Variants in CAPN3 observed in about 807,000 individuals in gnomAD.
CAPN3 encodes the protein calpain-3.
In CAPN3, 88 loss-of-function variants were observed where a neutral mutation model predicts 114.0. The ratio of observed to expected loss-of-function variants is 0.77; its 90% CI spans 0.65 to 0.92. CAPN3 has a LOEUF of 0.92. Among genes scored for constraint, CAPN3 ranks in the 40% least tolerant of loss-of-function variants. The pLI is 0.00. For missense variants in CAPN3, 1,028 were observed against 1,069.0 expected, an observed-to-expected ratio of 0.96 and a Z score of 0.53; for synonymous variants, 386 against 382.9, an observed-to-expected ratio of 1.01 and a Z score of -0.09.
rs151090625 is a variant in CAPN3 at position 42,399,549 on chromosome 15, G to T, written c.1251G>T (p.Thr417=). The T allele has an allele frequency of 5.0e-6, 8 of 1,613,698 alleles. No homozygotes were observed. In the East Asian group the frequency reaches 1.6e-4, roughly 31 times the overall value. The change falls in exon 10 of 24, where the codon ACG becomes ACT. Residue 417 remains threonine, a synonymous_variant. Coordinates refer to ENST00000397163, the MANE Select transcript of CAPN3 (RefSeq NM_000070.3). ...CAAAGTTGGAGATCTGCAACCTCACGGCCGATGCTCTGCAGTCTGACAAGC... is the reference window on the plus strand; with the variant it reads ...CAAAGTTGGAGATCTGCAACCTCACTGCCGATGCTCTGCAGTCTGACAAGC... The part of the protein sequence containing the change: ...HFTKLEICNL[T]ADALQSDKLQ...
intron 8 of CAPN3, among the ~76,000 whole-genome samples, chr15:42,396,377 A>C (rs1357986354): frequency 6.6e-6 from 1 of 151,428 alleles, no homozygotes; most frequent in African/African-American, 2.4e-5. Context: ...TGAGTAGCTG[A>C]GACTATAGGT....
intron 6 of CAPN3, 128 bp from the exon 7 acceptor site, chr15:42,392,511 A>T: frequency 1.4e-6 from 1 of 734,056 alleles, no homozygotes. Context: ...CGTGAGGCAC[A>T]CTTTCAGGGA....
At chr15:42,407,156 A>G (rs2054047691) in intron 15 of CAPN3, among the ~76,000 whole-genome samples, 2 of 151,986 alleles carry the variant, frequency 1.3e-5, no homozygotes, top group South Asian at 2.1e-4. Context: ...CGTCCTTTTC[A>G]TATCCTTGTC....
At chr15:42,369,373 C>T (rs1338790149) in intron 1 of CAPN3, among the ~76,000 whole-genome samples, 2 of 151,956 alleles carry the variant, frequency 1.3e-5, no homozygotes, top group African/African-American at 4.8e-5. Context: ...TGGTGATGCT[C>T]CTGCTCTGTC....
intron 7 of CAPN3, among the ~76,000 whole-genome samples, chr15:42,392,929 T>C (rs977147977): frequency 6.6e-6 from 1 of 152,234 alleles, no homozygotes; most frequent in African/African-American, 2.4e-5. Context: ...ACAGTTTATC[T>C]TTGCTTTTCG....
In CAPN3 at chr15:42,384,544, G is replaced by C. The variant is rs587780291; in HGVS notation, c.371G>C (p.Gly124Ala). 4 of 1,613,128 alleles carry C rather than the reference G, an allele frequency of 2.5e-6. No individual in the cohort carries two copies. In the Admixed American group the frequency reaches 5.0e-5, roughly 20 times the overall value. ...DGANRTDICQ[G>A]ELGDCWFLAA... Reference sequence around the variant, plus strand: ...GCCAACAGAACTGACATCTGTCAAGGAGAGCTAGGTAGGAAAGTGCCTCAG... The same window carrying C: ...GCCAACAGAACTGACATCTGTCAAGCAGAGCTAGGTAGGAAAGTGCCTCAG... Residue 124 changes from glycine (G) to alanine (A), a missense_variant, in exon 2 of 24, where the codon GGA becomes GCA. By Grantham distance (60) the Gly-to-Ala change is moderately conservative (BLOSUM62 0). Transcript: ENST00000397163.
chr15:42,408,386 G>GTGTATCCCAAGC, intron 16 of CAPN3, 62 bp downstream of exon 16: 1 of 989,326 alleles, frequency 1.0e-6, no homozygotes, highest in Non-Finnish European at 1.6e-6. Context: ...CTATGCGCTT[G>GTGTATCCCAAGC]GGATACACAG....
chr15:42,395,072 G>A (rs796287477), intron 8 of CAPN3, among the ~76,000 whole-genome samples: 1 of 152,128 alleles, frequency 6.6e-6, no homozygotes, highest in Non-Finnish European at 1.5e-5. Context: ...CTCGGCTCCT[G>A]TACTTATATA....
intron 1 of CAPN3, among the ~76,000 whole-genome samples, chr15:42,370,285 A>G (rs1275780274): frequency 6.6e-6 from 1 of 152,116 alleles, no homozygotes; most frequent in Non-Finnish European, 1.5e-5. Context: ...ACTCCTGTGT[A>G]TCTTCTCAGC....
chr15:42,389,091 A>G lies in CAPN3; in HGVS notation c.796A>G (p.Ile266Val), dbSNP rs774013059. 2.5e-6 allele frequency: 4 copies of G among 1,614,024 alleles called. No homozygotes were observed. In the South Asian group the frequency reaches 3.3e-5, roughly 13 times the overall value. The change falls in exon 5 of 24, where the codon ATT (isoleucine) becomes GTT (valine). Residue 266 changes from isoleucine to valine, a missense_variant. By Grantham distance (29) the Ile-to-Val change is conservative. Transcript: ENST00000397163. ...GAGAGGCTCCCTCATGGGCTGCTCC[A>G]TTGATGTAAGTCTGGGGTGTGGGGC... ...IERGSLMGCSIDDGTNMTYGT... is the reference protein window; with the variant it reads ...IERGSLMGCSVDDGTNMTYGT...
chr15:42,359,645 T>C lies in CAPN3; in HGVS notation c.-161T>C, dbSNP rs2052586395. On this transcript the variant is annotated 5_prime_UTR_variant, in exon 1 of 24. Transcript: ENST00000397163. ...CTCGGTTTTTAAGATGGACATAACC[T>C]GTACGACCTTCTGATGGGCTTTCAA... 1 of 1,482,540 alleles carries C rather than the reference T, an allele frequency of 6.7e-7. No homozygotes were observed. Among genetic ancestry groups the C allele is most frequent in the Non-Finnish European group, 8.9e-7 (1 of 1,122,474 alleles). 91.8% of individuals were successfully genotyped at this position (1,482,540 alleles called of 1,614,324 possible).
chr15:42,367,819 A>AT (rs1202233486), intron 1 of CAPN3, among the ~76,000 whole-genome samples: 1 of 151,664 alleles, frequency 6.6e-6, no homozygotes. Flanking sequence ...AACCCTCCCT[A>AT]TTTTTTTCTC....
Position 42,402,147 on chromosome 15 carries a change from G to T in CAPN3, c.1536+12G>T. On this transcript the variant is annotated intron_variant, in intron 12 of 23. Transcript: ENST00000397163. ...AGGTTCCCAAAGAGGTATAGCAGCAGCAGCGGCCAGCAGTTGTGTGCAGCA... is the reference window on the plus strand; with the variant it reads ...AGGTTCCCAAAGAGGTATAGCAGCATCAGCGGCCAGCAGTTGTGTGCAGCA... The T allele has an allele frequency of 6.2e-7, 1 of 1,614,088 alleles. No homozygotes were observed.
Position 42,402,249 on chromosome 15 carries a change from G to T in CAPN3, c.1536+114G>T. 6.9e-6 allele frequency: 11 copies of T among 1,602,794 alleles called. No individual in the cohort carries two copies. In the South Asian group the frequency reaches 1.2e-4, roughly 18 times the overall value. Reference sequence around the variant, plus strand: ...GGGGTTTGTGGGCAGGACTGTGATAGGAGAGGGCCTTGCCTGTGTTATTTC... The same window carrying T: ...GGGGTTTGTGGGCAGGACTGTGATATGAGAGGGCCTTGCCTGTGTTATTTC... On this transcript the variant is annotated intron_variant, in intron 12 of 23. Transcript: ENST00000397163.
chr15:42,368,079 G>T (rs2052835227), intron 1 of CAPN3, among the ~76,000 whole-genome samples: 1 of 152,170 alleles, frequency 6.6e-6, no homozygotes, highest in Non-Finnish European at 1.5e-5. Context: ...GCCAATCCTT[G>T]TTATTTGCAG....
At chr15:42,409,883 G>GGGGGGGGGGCCCCCC in intron 18 of CAPN3, 39 bp downstream of exon 18, 1 of 559,614 alleles carries the variant, frequency 1.8e-6, no homozygotes, top group Non-Finnish European at 3.5e-6. Flanking sequence ...GGTGGGTGGG[G>GGGGGGGGGGCCCCCC]AGTCCCGTTG....
rs1174584465 is a variant in CAPN3 at position 42,405,928 on chromosome 15, A to G, written c.1785A>G (p.Lys595=). The G allele has an allele frequency of 6.2e-7, 1 of 1,612,242 alleles. No individual in the cohort carries two copies. Among genetic ancestry groups the G allele is most frequent in the Non-Finnish European group, 8.5e-7 (1 of 1,178,284 alleles). Residue 595 remains lysine (K), a splice_region_variant and synonymous_variant, in exon 15 of 24, where the codon AAA becomes AAG. Transcript: ENST00000397163. ...ENTISVDRPV[K]KKKTKPIIFV... is the part of the protein sequence containing the mutation. ...TACTGTTTCCTTTTCTTATGCAGAA[A>G]AAGAAAAAAACCAAGGTAGGTGTGT...
At chr15:42,370,262 A>G (rs1008540161) in intron 1 of CAPN3, among the ~76,000 whole-genome samples, 1 of 152,146 alleles carries the variant, frequency 6.6e-6, no homozygotes. Flanking sequence ...CACTGCCTCT[A>G]AAATTAATAC....
chr15:42,370,954 G>C (rs543656851), intron 1 of CAPN3, among the ~76,000 whole-genome samples: 1 of 152,130 alleles, frequency 6.6e-6, no homozygotes, highest in Non-Finnish European at 1.5e-5. Context: ...CAGCTCCACC[G>C]ATTAACGATG....
Sources: gnomAD v4.1 joint callset for allele counts (sites outside exome capture counted in the v4.1 genomes callset) on GRCh38, gnomAD v4.1.1 for gene constraint, MANE v1.5 for transcripts, NCBI Gene and HGNC (gene_info 2026-07-23, HGNC 2026-07-21) for gene names.